CFHR1: variants seen among roughly 807,000 people sequenced by gnomAD.
CFHR1 encodes the protein complement factor H related 1, also known as complement factor H-related protein 1.
A neutral mutation model predicts 30.4 loss-of-function variants in CFHR1; 22 were observed. The ratio of observed to expected loss-of-function variants is 0.72; its 90% CI spans 0.52 to 1.03. The LOEUF is 1.03. Among genes scored for constraint, CFHR1 ranks in the 50% least tolerant of loss-of-function variants. CFHR1 has a pLI of 0.00. For missense variants in CFHR1, 248 were observed against 380.6 expected (o/e 0.65, Z 2.90); for synonymous variants, 95 against 129.1 (o/e 0.74, Z 1.79).
rs1655523182 is a variant in CFHR1, at chr1:196,830,752, A to G, written c.790+70A>G. The stretch of plus-strand genomic sequence containing the variant: ...AGTCTGATATTTTGCTGTTGGTAAC[A>G]AAATAATCACAGATTATTGAACAAC... On this transcript the variant is annotated intron_variant, in intron 5 of 5. Transcript: ENST00000320493. 10 of 1,480,132 alleles carry G rather than the reference A, an allele frequency of 6.8e-6. 1 individual carries two copies. In the Admixed American group the frequency reaches 8.6e-5, roughly 13 times the overall value. 91.7% of individuals were successfully genotyped at this position (1,480,132 alleles called of 1,614,324 possible).
At position 196,826,789 on chromosome 1, in the gene CFHR1, C is replaced by T. The variant is rs765558731; in HGVS notation, c.254-40C>T. 4 of 1,452,786 alleles carry T rather than the reference C, an allele frequency of 2.8e-6. 1 individual carries two copies. In the South Asian group the frequency reaches 3.8e-5, roughly 14 times the overall value. 90.0% of individuals were successfully genotyped at this position (1,452,786 alleles called of 1,614,324 possible). On this transcript the variant is annotated intron_variant, in intron 2 of 5. Transcript: ENST00000320493. Reference sequence around the variant, plus strand: ...AAAATGCAGTTGTACTTTTTCTTTGCTACTTCCATCTTGTACATTAATCCG... The same window carrying T: ...AAAATGCAGTTGTACTTTTTCTTTGTTACTTCCATCTTGTACATTAATCCG...
chr1:196,821,261 A>T (rs1655109885), intron 1 of CFHR1: 1 of 130,252 alleles, frequency 7.7e-6, no homozygotes, highest in Admixed American at 7.4e-5. Flanking sequence ...AGTGGCTTAT[A>T]CACCTATTAC....
chr1:196,822,363 T>C (rs1195430780), intron 1 of CFHR1, among the ~76,000 whole-genome samples: 2 of 133,414 alleles, frequency 1.5e-5, no homozygotes, highest in Non-Finnish European at 3.1e-5. Context: ...AAATTAACCT[T>C]AGTTTATGTT....
rs1476449042 is a variant in CFHR1, at chr1:196,827,402, C to T, written c.430+397C>T. ...TAGTCTATTATCACTACACATGGAC[C>T]TGAAACTCTCTGATGAATTTTGCAT... On this transcript the variant is annotated intron_variant, in intron 3 of 5. Coordinates refer to ENST00000320493, the MANE Select transcript of CFHR1 (RefSeq NM_002113.3). Among the ~76,000 whole-genome samples, 2 of 135,302 alleles carry T rather than the reference C, an allele frequency of 1.5e-5. 1 individual carries two copies. The highest frequency in any genetic ancestry group is 3.1e-5 in the Non-Finnish European group (2 of 64,308). The allele number at this position is 135,302 out of a possible 152,430, so 88.8% of individuals were successfully genotyped here. A position where few individuals can be genotyped will look rare whatever the true frequency, so the allele number is the denominator to read the frequency against.
chr1:196,827,562 CTT>C (rs1488373405), intron 3 of CFHR1, among the ~76,000 whole-genome samples: 1 of 135,746 alleles, frequency 7.4e-6, no homozygotes, highest in Non-Finnish European at 1.6e-5. Context: ...TCTCTACTAA[CTT>C]GGGTAATTTT....
intron 5 of CFHR1, among the ~76,000 whole-genome samples, chr1:196,831,118 C>T (rs552670960): frequency 4.4e-5 from 6 of 135,690 alleles, no homozygotes; most frequent in Non-Finnish European, 9.3e-5. Context: ...GGCGACAGAG[C>T]GAGACTCCGT....
rs1390639543 is a variant in CFHR1, at chr1:196,824,465, C to A, written c.59-1012C>A. 1.5e-5 allele frequency among the ~76,000 whole-genome samples: 2 copies of A among 129,492 alleles called. 1 individual carries two copies. Among genetic ancestry groups the A allele is most frequent in the Non-Finnish European group, 3.2e-5 (2 of 62,962 alleles). 85.0% of individuals were successfully genotyped at this position (129,492 alleles called of 152,430 possible). On this transcript the variant is annotated intron_variant, in intron 1 of 5. Coordinates refer to ENST00000320493, the MANE Select transcript of CFHR1 (RefSeq NM_002113.3). Reference sequence around the variant, plus strand: ...TAGAGATGGGGTTTCACCATGTTGGCCAGGCTGGTCTCAAATTCCTGACCT... The same window carrying A: ...TAGAGATGGGGTTTCACCATGTTGGACAGGCTGGTCTCAAATTCCTGACCT...
chr1:196,827,020 G>A lies in CFHR1; in HGVS notation c.430+15G>A. ...CAGGTCCACTGGTAAGTACAATGCT[G>A]TTCTCTCATATGCTGTTATCTATTA... On this transcript the variant is annotated intron_variant, in intron 3 of 5. Transcript: ENST00000320493. 1.3e-6 allele frequency: 2 copies of A among 1,515,318 alleles called. No individual in the cohort carries two copies. Among genetic ancestry groups the A allele is most frequent in the Non-Finnish European group, 1.8e-6 (2 of 1,120,564 alleles). 93.9% of individuals were successfully genotyped at this position (1,515,318 alleles called of 1,614,324 possible). A position where few individuals can be genotyped will look rare whatever the true frequency, so the allele number is the denominator to read the frequency against.
chr1:196,826,238 C>T (rs1445055541), intron 2 of CFHR1, among the ~76,000 whole-genome samples: 1 of 134,248 alleles, frequency 7.4e-6, no homozygotes, highest in Admixed American at 7.2e-5. Context: ...TCCTAAGAAA[C>T]ATTTATGAGA....
chr1:196,827,132 C>T, intron 3 of CFHR1, 127 bp downstream of exon 3: 1 of 1,027,326 alleles, frequency 9.7e-7, no homozygotes, highest in Non-Finnish European at 1.4e-6. Flanking sequence ...ATTTTCAGTT[C>T]CAATTGTGTC....
chr1:196,830,683 G>A lies in CFHR1; in HGVS notation c.790+1G>A, dbSNP rs140799744. On this transcript the variant is annotated splice_donor_variant, in intron 5 of 5. Coordinates refer to ENST00000320493, the MANE Select transcript of CFHR1 (RefSeq NM_002113.3). LOFTEE classifies it high-confidence loss of function. Reference sequence around the variant, plus strand: ...TGGTCAGAACCACCAAAATGCTTACGTAAGTACTTTAATATTCACGTGGCT... The same window carrying A: ...TGGTCAGAACCACCAAAATGCTTACATAAGTACTTTAATATTCACGTGGCT... 1.3e-3 allele frequency: 1,986 copies of A among 1,523,054 alleles called. 575 individuals are homozygous for A. In the African/African-American group the frequency reaches 0.03, roughly 23 times the overall value. The allele number at this position is 1,523,054 out of a possible 1,614,324, so 94.3% of individuals were successfully genotyped here.
intron 2 of CFHR1, among the ~76,000 whole-genome samples, chr1:196,826,434 G>A (rs1002887355): frequency 7.7e-6 from 1 of 130,526 alleles, no homozygotes; most frequent in Non-Finnish European, 1.6e-5. Flanking sequence ...TTTTGAAAGT[G>A]TTTATATTTG....
rs1389910808 is a variant in CFHR1 at position 196,828,226 on chromosome 1, C to T, written c.587C>T (p.Thr196Ile). The change falls in exon 4 of 6, where the codon ACA becomes ATA. Residue 196 changes from threonine (T) to isoleucine (I), a missense_variant. Coordinates refer to ENST00000320493, the MANE Select transcript of CFHR1 (RefSeq NM_002113.3). The part of the protein sequence containing the change: ...EEVMCLNGNW[T>I]EPPQCKDSTG... ...GTGATGTGTTTAAATGGAAACTGGACAGAACCACCTCAATGCAAAGGTAGA... is the reference window on the plus strand; with the variant it reads ...GTGATGTGTTTAAATGGAAACTGGATAGAACCACCTCAATGCAAAGGTAGA... 1 of 1,227,998 alleles carries T rather than the reference C, an allele frequency of 8.1e-7. No individual in the cohort carries two copies. Among genetic ancestry groups the T allele is most frequent in the Admixed American group, 2.1e-5 (1 of 47,552 alleles). 76.1% of individuals were successfully genotyped at this position (1,227,998 alleles called of 1,614,324 possible). A position where few individuals can be genotyped will look rare whatever the true frequency, so the allele number is the denominator to read the frequency against.
At chr1:196,821,052 T>C (rs1321023110) in intron 1 of CFHR1, 2 of 139,844 alleles carry the variant, frequency 1.4e-5, no homozygotes, top group Admixed American at 1.4e-4. Flanking sequence ...TTGGTCAGGC[T>C]GGTCTCGAAC....
At chr1:196,825,415 A>G in intron 1 of CFHR1, 62 bp from the exon 2 acceptor site, 1 of 1,162,478 alleles carries the variant, frequency 8.6e-7, no homozygotes, top group East Asian at 2.5e-5. Flanking sequence ...ATTAAAATAT[A>G]ATCTAGTGAT....
chr1:196,825,550 G>T lies in CFHR1; in HGVS notation c.132G>T (p.Gln44His), dbSNP rs41315553. The T allele has an allele frequency of 9.2e-6, 14 of 1,522,090 alleles. 2 individuals carry two copies. The highest frequency in any genetic ancestry group is 1.2e-5 in the Non-Finnish European group (14 of 1,126,666). 94.3% of individuals were successfully genotyped at this position (1,522,090 alleles called of 1,614,324 possible). A position where few individuals can be genotyped will look rare whatever the true frequency, so the allele number is the denominator to read the frequency against. The part of the protein sequence containing the change: ...YDEEKYKPFS[Q>H]VPTGEVFYYS... ...AAGAAAAATATAAGCCATTTTCCCA[G>T]GTTCCTACAGGGGAAGTTTTCTATT... The change falls in exon 2 of 6, where the codon CAG (glutamine) becomes CAT (histidine). Residue 44 changes from glutamine (Q) to histidine (H), a missense_variant. This residue lies in a region of CFHR1 where 121 missense variants were observed against 162.6 expected (regional missense o/e 0.74). Transcript: ENST00000320493.
Position 196,825,198 on chromosome 1 carries a change from G to A in CFHR1, c.59-279G>A, listed in dbSNP as rs1223409980. On this transcript the variant is annotated intron_variant, in intron 1 of 5. Transcript: ENST00000320493. ...TCTGTCTTCATTCTTAAATTGTTGT[G>A]TGTGGGTTTTATTCTTGAAGACAAT... 6.8e-6 allele frequency: 2 copies of A among 293,914 alleles called. 1 individual carries two copies. Among genetic ancestry groups the A allele is most frequent in the Middle Eastern group, 2.6e-3 (2 of 762 alleles). The allele number at this position is 293,914 out of a possible 1,614,324, so 18.2% of individuals were successfully genotyped here.
chr1:196,822,938 G>A (rs1655173725), intron 1 of CFHR1, among the ~76,000 whole-genome samples: 1 of 134,200 alleles, frequency 7.5e-6, no homozygotes, highest in Admixed American at 7.2e-5. Context: ...CCACAAATAT[G>A]TGAGTAATAT....
At chr1:196,825,742 T>A in intron 2 of CFHR1, 71 bp downstream of exon 2, 1 of 1,381,060 alleles carries the variant, frequency 7.2e-7, no homozygotes, top group Middle Eastern at 2.0e-4. Flanking sequence ...GACAAGATCA[T>A]AAGGTCTTGA....
Sources: gnomAD v4.1 joint callset for allele counts (sites outside exome capture counted in the v4.1 genomes callset) on GRCh38, gnomAD v4.1.1 for gene constraint, gnomAD v4.1.1 regional missense constraint, MANE v1.5 for transcripts, NCBI Gene and HGNC (gene_info 2026-07-23, HGNC 2026-07-21) for gene names.